Variants in FBXO43 observed in about 807,000 individuals in gnomAD.
The protein encoded by FBXO43 is F-box only protein 43.
Under a neutral mutation model 56.7 loss-of-function variants are expected in FBXO43, and 22 were observed. That is an observed-to-expected ratio of 0.39 (90% confidence interval 0.28 to 0.55). The LOEUF (loss-of-function observed/expected upper bound fraction) is 0.55, where lower values mean the gene tolerates loss of function less well. Among genes scored for constraint, FBXO43 ranks in the 20% least tolerant of loss-of-function variants. The probability of loss-of-function intolerance (pLI) is 0.66; values close to 1 mark genes in which losing one functional copy is unlikely to be tolerated. For synonymous variants in FBXO43, 306 were observed against 294.5 expected (o/e 1.04, Z -0.40); for missense variants, 733 against 814.9 (o/e 0.90, Z 1.22).
upstream of FBXO43, among the ~76,000 whole-genome samples, chr8:100,147,210 C>A (rs947154701): frequency 2.0e-5 from 3 of 152,194 alleles, no homozygotes; most frequent in East Asian, 5.8e-4. Flanking sequence ...GAATACAGAG[C>A]TGACACAGCC....
rs1242189833 is a variant in FBXO43, at chr8:100,133,919, T to A, written c.2010A>T (p.Leu670Phe). 6.2e-7 allele frequency: 1 copy of A among 1,613,616 alleles called. No individual in the cohort carries two copies. The highest frequency in any genetic ancestry group is 8.5e-7 in the Non-Finnish European group (1 of 1,179,820). Residue 670 changes from leucine to phenylalanine, a missense_variant, in exon 5 of 5, where the codon TTA (leucine) becomes TTT (phenylalanine). Leu to Phe is a conservative substitution (Grantham distance 22, BLOSUM62 0). Transcript: ENST00000428847. ...CAGACCCATGATAAGCACACAGACA[T>A]AACACACAAAAGTCAAAACCACAGG... ...RTACGFDFCV[L>F]CLCAYHGSEE...
In FBXO43 at chr8:100,141,514, A is replaced by G. The variant is rs1200792416; in HGVS notation, c.740T>C (p.Val247Ala). 3 of 1,612,398 alleles carry G rather than the reference A, an allele frequency of 1.9e-6. No individual in the cohort carries two copies. Among genetic ancestry groups the G allele is most frequent in the Non-Finnish European group, 2.5e-6 (3 of 1,180,022 alleles). ...DSKDDCSLFE[V>A]ECISPIQGNN... ...GCCCTGAATTGGAGATATACATTCA[A>G]CTTCAAATAGGCTACAATCATCTTT... The change falls in exon 2 of 5, where the codon GTT (valine) becomes GCT (alanine). Residue 247 changes from valine to alanine, a missense_variant. By Grantham distance (64) the Val-to-Ala change is moderately conservative. Coordinates refer to ENST00000428847, the MANE Select transcript of FBXO43 (RefSeq NM_001029860.4).
Position 100,145,214 on chromosome 8 carries a change from A to G in FBXO43, c.-79T>C, listed in dbSNP as rs987905205. 1.6e-6 allele frequency: 2 copies of G among 1,235,158 alleles called. No individual in the cohort carries two copies. Among genetic ancestry groups the G allele is most frequent in the Non-Finnish European group, 2.3e-6 (2 of 875,500 alleles). The allele number at this position is 1,235,158 out of a possible 1,614,324, so 76.5% of individuals were successfully genotyped here. On this transcript the variant is annotated 5_prime_UTR_variant, in exon 1 of 5. Transcript: ENST00000428847. ...AGGTGCAGCAGCATCATGATTGCTCAAAGTCGAAGGGTACACAGGGTGCAT... is the reference window on the plus strand; with the variant it reads ...AGGTGCAGCAGCATCATGATTGCTCGAAGTCGAAGGGTACACAGGGTGCAT...
chr8:100,133,688 A>G lies in FBXO43; in HGVS notation c.*114T>C. 1 of 1,208,834 alleles carries G rather than the reference A, an allele frequency of 8.3e-7. No individual in the cohort carries two copies. The highest frequency in any genetic ancestry group is 1.8e-5 in the South Asian group (1 of 56,516). The allele number at this position is 1,208,834 out of a possible 1,614,324, so 74.9% of individuals were successfully genotyped here. Reference sequence around the variant, plus strand: ...ACATCGATTATAATATATACAAAATAGGAAATTAATCATCACCTGTCATTA... The same window carrying G: ...ACATCGATTATAATATATACAAAATGGGAAATTAATCATCACCTGTCATTA... On this transcript the variant is annotated 3_prime_UTR_variant, in exon 5 of 5. Coordinates refer to ENST00000428847, the MANE Select transcript of FBXO43 (RefSeq NM_001029860.4).
chr8:100,137,669 T>C lies in FBXO43; in HGVS notation c.1572-2A>G. The C allele has an allele frequency of 6.2e-7, 1 of 1,607,348 alleles. No homozygotes were observed. The highest frequency in any genetic ancestry group is 8.5e-7 in the Non-Finnish European group (1 of 1,174,840). The stretch of plus-strand genomic sequence containing the variant: ...CAATTTCTGCTTACTTTCCAAACAC[T>C]ATAACAAAAAGATCCATCCTTATAT... On this transcript the variant is annotated splice_acceptor_variant, in intron 2 of 4. Coordinates refer to ENST00000428847, the MANE Select transcript of FBXO43 (RefSeq NM_001029860.4). LOFTEE classifies it high-confidence loss of function.
Position 100,141,064 on chromosome 8 carries a change from T to C in FBXO43, c.1190A>G (p.Glu397Gly). 4 of 1,614,216 alleles carry C rather than the reference T, an allele frequency of 2.5e-6. No homozygotes were observed. The highest frequency in any genetic ancestry group is 1.3e-5 in the African/African-American group (1 of 75,058). ...AGGGTGGACAATCTGCTTTTCCTCTTCTGTCTCTGACTGCGAGCTTTGTTC... is the reference window on the plus strand; with the variant it reads ...AGGGTGGACAATCTGCTTTTCCTCTCCTGTCTCTGACTGCGAGCTTTGTTC... ...LREQSSQSET[E>G]EEKQIVHPDS... The change falls in exon 2 of 5, where the codon GAA becomes GGA. Residue 397 changes from glutamate (E) to glycine (G), a missense_variant. Glu to Gly is a moderately conservative substitution (Grantham distance 98, BLOSUM62 -2). Coordinates refer to ENST00000428847, the MANE Select transcript of FBXO43 (RefSeq NM_001029860.4).
chr8:100,137,782 A>G (rs1814519542), intron 2 of FBXO43, 115 bp from the exon 3 acceptor site: 1 of 697,546 alleles, frequency 1.4e-6, no homozygotes, highest in Non-Finnish European at 2.4e-6. Flanking sequence ...GTAAATTTAA[A>G]CCTAAAAATT....
upstream of FBXO43, among the ~76,000 whole-genome samples, chr8:100,147,449 T>C (rs73276990): frequency 0.023 from 3,574 of 152,250 alleles, 112 homozygotes; most frequent in African/African-American, 0.073. Context: ...GCAAGAGCAG[T>C]TGGGCACATG....
At chr8:100,139,540 A>C (rs1235225033) in intron 2 of FBXO43, among the ~76,000 whole-genome samples, 3 of 152,200 alleles carry the variant, frequency 2.0e-5, no homozygotes, top group Non-Finnish European at 4.4e-5. Context: ...CATAACCATC[A>C]TCTTGCAGAA....
upstream of FBXO43, among the ~76,000 whole-genome samples, chr8:100,149,024 A>G (rs1253994530): frequency 7.2e-5 from 11 of 152,242 alleles, no homozygotes; most frequent in Admixed American, 5.9e-4. Flanking sequence ...GAGCAATGCA[A>G]TGATGTCTGG....
intron 2 of FBXO43, 122 bp from the exon 3 acceptor site, chr8:100,137,789 A>G (rs1429258823): frequency 9.0e-6 from 6 of 664,732 alleles, no homozygotes; most frequent in Non-Finnish European, 1.6e-5. Flanking sequence ...TAAACCTAAA[A>G]ATTTACATAA....
chr8:100,139,487 T>C (rs1814573153), intron 2 of FBXO43, among the ~76,000 whole-genome samples: 1 of 152,112 alleles, frequency 6.6e-6, no homozygotes, highest in African/African-American at 2.4e-5. Flanking sequence ...TTTTGACATA[T>C]ACCTATCAAG....
At chr8:100,140,591 A>C (rs1814607321) in intron 2 of FBXO43, 92 bp downstream of exon 2, 1 of 1,010,538 alleles carries the variant, frequency 9.9e-7, no homozygotes, top group African/African-American at 1.6e-5. Context: ...CAGAGATAAT[A>C]AAACAAAATA....
At chr8:100,134,122 TA>T in intron 4 of FBXO43, 38 bp downstream of exon 4, 1 of 1,602,834 alleles carries the variant, frequency 6.2e-7, no homozygotes, top group Non-Finnish European at 8.5e-7. Context: ...ACTCTGTAAA[TA>T]TTTATTTCTA....
chr8:100,142,326 T>C (rs1814687444), intron 1 of FBXO43, among the ~76,000 whole-genome samples, 158 bp from the exon 2 acceptor site: 1 of 152,202 alleles, frequency 6.6e-6, no homozygotes. Context: ...CATAAGAAAC[T>C]GATGTGTATC....
Position 100,133,863 on chromosome 8 carries a change from C to T in FBXO43, c.2066G>A (p.Arg689Lys). The T allele has an allele frequency of 6.2e-7, 1 of 1,613,196 alleles. No homozygotes were observed. The highest frequency in any genetic ancestry group is 1.3e-5 in the African/African-American group (1 of 75,002). Residue 689 changes from arginine (R) to lysine (K), a missense_variant, in exon 5 of 5, where the codon AGA (arginine) becomes AAA (lysine). Coordinates refer to ENST00000428847, the MANE Select transcript of FBXO43 (RefSeq NM_001029860.4). ...EECSRGAAKP[R>K]NRKDALPGSA... ...TCCTGGGAGAGCATCTTTTCTATTTCTTGGCTTTGCTGCTCCTCTACTACA... is the reference window on the plus strand; with the variant it reads ...TCCTGGGAGAGCATCTTTTCTATTTTTTGGCTTTGCTGCTCCTCTACTACA...
At chr8:100,134,414 G>A (rs755931345) in intron 3 of FBXO43, 50 bp from the exon 4 acceptor site, 52 of 1,505,674 alleles carry the variant, frequency 3.5e-5, no homozygotes, top group Admixed American at 5.1e-5. Context: ...AAACAGTTCC[G>A]GGATAGCTTT....
chr8:100,144,347 T>TA (rs903737919), intron 1 of FBXO43, among the ~76,000 whole-genome samples: 128 of 149,046 alleles, frequency 8.6e-4, no homozygotes, highest in Middle Eastern at 3.5e-3. Context: ...CCCCATCTCT[T>TA]AAAAAAAAAA....
At chr8:100,138,698 T>C (rs1011289194) in intron 2 of FBXO43, among the ~76,000 whole-genome samples, 8 of 152,174 alleles carry the variant, frequency 5.3e-5, no homozygotes, top group Non-Finnish European at 8.8e-5. Context: ...CCCAAAAGTG[T>C]CACCCAATTT....
Sources: allele counts gnomAD v4.1 joint callset (sites outside exome capture counted in the v4.1 genomes callset), GRCh38; gene constraint gnomAD v4.1.1; transcripts MANE v1.5; gene names NCBI Gene and HGNC (gene_info 2026-07-23, HGNC 2026-07-21).